CTSB: variants seen among roughly 807,000 people sequenced by gnomAD.
The protein encoded by CTSB is cathepsin B.
Under a neutral mutation model 44.3 loss-of-function variants are expected in CTSB, and 57 were observed. That is an observed-to-expected ratio of 1.29 (90% CI 1.04 to 1.60). The LOEUF (loss-of-function observed/expected upper bound fraction) is 1.60. CTSB is among the 40% of genes most tolerant of loss of function. The pLI is 0.00. For synonymous variants in CTSB, 320 were observed against 168.0 expected, an observed-to-expected ratio of 1.91 and a Z score of -7.00; for missense variants, 768 against 443.0, an observed-to-expected ratio of 1.73 and a Z score of -6.59.
rs756611118 is a variant in CTSB, at chr8:11,845,649, G to A, written c.922+12C>T. ...ATTCACTGTTCTTGGCAGGAAGGGG[G>A]CAGCCACTCACCATTGTCACCCCAG... On this transcript the variant is annotated intron_variant, in intron 9 of 9. Transcript: ENST00000353047. 31 of 1,610,820 alleles carry A rather than the reference G, an allele frequency of 1.9e-5. No homozygotes were observed. In the Middle Eastern group the frequency reaches 6.6e-4, roughly 34 times the overall value.
chr8:11,848,239 A>C, intron 5 of CTSB, 87 bp from the exon 6 acceptor site: 1 of 1,207,530 alleles, frequency 8.3e-7, no homozygotes, highest in Non-Finnish European at 1.2e-6. Flanking sequence ...GCCCGAGGCC[A>C]CTCGTGGACC....
chr8:11,848,946 C>A, intron 5 of CTSB, 100 bp downstream of exon 5: 1 of 809,030 alleles, frequency 1.2e-6, no homozygotes. Flanking sequence ...ACTTCTGACT[C>A]GCAGCAGTCC....
rs984078233 is a variant in CTSB, at chr8:11,848,440, T to G, written c.447-288A>C. On this transcript the variant is annotated intron_variant, in intron 5 of 9. Coordinates refer to ENST00000353047, the MANE Select transcript of CTSB (RefSeq NM_001908.5). ...ACCAGGCTACGAGTGCCCTTCCGGG[T>G]AGAACACTGATTCTCAACTGAGCAG... The G allele has an allele frequency of 1.1e-5, 6 of 526,574 alleles. No homozygotes were observed. In the African/African-American group the frequency reaches 1.1e-4, roughly 10 times the overall value. 32.6% of individuals were successfully genotyped at this position (526,574 alleles called of 1,614,324 possible).
At chr8:11,866,831 G>C (rs114288313) in intron 1 of CTSB, among the ~76,000 whole-genome samples, 267 of 152,346 alleles carry the variant, frequency 1.8e-3, no homozygotes, top group African/African-American at 6.3e-3. Context: ...CTGTGCTCCA[G>C]CCTGAGAGAC....
At chr8:11,851,040 G>T in intron 3 of CTSB, 60 bp from the exon 4 acceptor site, 1 of 1,270,016 alleles carries the variant, frequency 7.9e-7, no homozygotes, top group Non-Finnish European at 1.1e-6. Context: ...CCCAATCCCT[G>T]CAAAGGCCAC....
At chr8:11,857,010 C>T (rs980409489) in intron 1 of CTSB, among the ~76,000 whole-genome samples, 17 of 152,084 alleles carry the variant, frequency 1.1e-4, no homozygotes, top group Admixed American at 3.3e-4. Context: ...GTCTTCCTTC[C>T]CACCAATGAG....
rs544788865 is a variant in CTSB at position 11,852,097 on chromosome 8, G to A, written c.212+513C>T. Among the ~76,000 whole-genome samples the A allele has an allele frequency of 1.4e-4, 22 of 152,320 alleles. 1 individual carries two copies. The South Asian group carries it at 4.3e-3, about 30-fold the overall frequency. ...AGAAGCACAATAGAAAACACTGGGG[G>A]TGGCTCATGCCGGTAATCCCAGCAC... On this transcript the variant is annotated intron_variant, in intron 3 of 9. Coordinates refer to ENST00000353047, the MANE Select transcript of CTSB (RefSeq NM_001908.5).
chr8:11,850,936 G>A lies in CTSB; in HGVS notation c.257C>T (p.Ala86Val). The A allele has an allele frequency of 4.3e-6, 7 of 1,613,404 alleles. No homozygotes were observed. The highest frequency in any genetic ancestry group is 5.1e-6 in the Non-Finnish European group (6 of 1,179,584). The change falls in exon 4 of 10, where the codon GCA becomes GTA. Residue 86 changes from alanine (A) to valine (V), a missense_variant. Transcript: ENST00000353047. ...GGGACACTGTGGCCATTGTTCCCGT[G>A]CATCGAAGCTTGCAGGCAGCTTCAG... ...EDLKLPASFD[A>V]REQWPQCPTI...
chr8:11,859,841 G>A (rs904733340), intron 1 of CTSB, among the ~76,000 whole-genome samples: 11 of 147,894 alleles, frequency 7.4e-5, no homozygotes, highest in Non-Finnish European at 1.5e-4. Context: ...TTGGGAGGCT[G>A]AGGCAGGCGG....
At chr8:11,862,750 G>A (rs576899697) in intron 1 of CTSB, among the ~76,000 whole-genome samples, 3 of 152,346 alleles carry the variant, frequency 2.0e-5, no homozygotes, top group African/African-American at 4.8e-5. Flanking sequence ...TGCACATTCT[G>A]CCAGAGTCCA....
At chr8:11,850,752 A>C in intron 4 of CTSB, 114 bp downstream of exon 4, 1 of 640,576 alleles carries the variant, frequency 1.6e-6, no homozygotes, top group Non-Finnish European at 2.7e-6. Flanking sequence ...TGGGACTCAG[A>C]AAGTTTCTAT....
At chr8:11,861,412 A>G (rs1816395495) in intron 1 of CTSB, 1 of 152,390 alleles carries the variant, frequency 6.6e-6, no homozygotes, top group African/African-American at 2.4e-5. Flanking sequence ...CCACCTGCCA[A>G]TCATCTATGC....
chr8:11,850,026 GAC>G (rs1427098457), intron 4 of CTSB: 1 of 152,366 alleles, frequency 6.6e-6, no homozygotes, highest in Non-Finnish European at 1.5e-5. Flanking sequence ...TGTTAATGGG[GAC>G]AGAGTTTCTG....
chr8:11,853,342 T>C lies in CTSB; in HGVS notation c.113A>G (p.Asn38Ser). The C allele has an allele frequency of 6.2e-7, 1 of 1,613,356 alleles. No homozygotes were observed. Among genetic ancestry groups the C allele is most frequent in the South Asian group, 1.1e-5 (1 of 91,020 alleles). Residue 38 changes from asparagine (N) to serine (S), a missense_variant, in exon 2 of 10, where the codon AAT becomes AGT. Transcript: ENST00000353047. Reference protein sequence around the residue: ...DELVNYVNKRNTTWQAGHNFY... With the variant: ...DELVNYVNKRSTTWQAGHNFY... ...CCCACAGCCTACCTGCCACGTGGTA[T>C]TCCGTTTGTTGACATAGTTGACCAG...
At chr8:11,864,815 G>A (rs938247184) in intron 1 of CTSB, among the ~76,000 whole-genome samples, 9 of 151,992 alleles carry the variant, frequency 5.9e-5, no homozygotes, top group Admixed American at 5.9e-4. Flanking sequence ...TCCGGAGGCT[G>A]AGGCAGGAAC....
At chr8:11,860,413 G>A (rs940616943) in intron 1 of CTSB, among the ~76,000 whole-genome samples, 1 of 152,182 alleles carries the variant, frequency 6.6e-6, no homozygotes, top group Non-Finnish European at 1.5e-5. Context: ...CCTGAGGTCA[G>A]GAGTTCGAGA....
chr8:11,842,629 C>G lies in CTSB; in HGVS notation c.*2496G>C, dbSNP rs1563361786. 6.6e-6 allele frequency: 1 copy of G among 151,678 alleles called. No homozygotes were observed. The highest frequency in any genetic ancestry group is 1.9e-4 in the East Asian group (1 of 5,180). The allele number at this position is 151,678 out of a possible 1,614,324, so 9.4% of individuals were successfully genotyped here. A position where few individuals can be genotyped will look rare whatever the true frequency, so the allele number is the denominator to read the frequency against. On this transcript the variant is annotated 3_prime_UTR_variant, in exon 10 of 10. Transcript: ENST00000353047. The stretch of plus-strand genomic sequence containing the variant: ...GCTTATGGTAACCTTTGTTAAGCAT[C>G]TTTCTTTTTCTTTTTTTTTTTGGTG...
chr8:11,847,639 A>G, intron 7 of CTSB, 40 bp downstream of exon 7: 1 of 1,500,428 alleles, frequency 6.7e-7, no homozygotes, highest in Non-Finnish European at 8.9e-7. Flanking sequence ...GCAGCTCCCC[A>G]GCCTCCACGT....
intron 1 of CTSB, among the ~76,000 whole-genome samples, chr8:11,856,479 G>A (rs1815530030): frequency 6.6e-6 from 1 of 152,120 alleles, no homozygotes; most frequent in Non-Finnish European, 1.5e-5. Flanking sequence ...CAGGCGTGGT[G>A]GCGCATGCCT....
Sources: allele counts gnomAD v4.1 joint callset (sites outside exome capture counted in the v4.1 genomes callset), GRCh38; gene constraint gnomAD v4.1.1; transcripts MANE v1.5; gene names NCBI Gene and HGNC (gene_info 2026-07-23, HGNC 2026-07-21).